SATB2: variants seen among roughly 807,000 people sequenced by gnomAD.
SATB2 encodes the protein DNA-binding protein SATB2.
In SATB2, 1 loss-of-function variant was observed where a neutral mutation model predicts 73.4. The ratio of observed to expected loss-of-function variants is 0.01; its 90% CI spans 0.00 to 0.06. SATB2 has a LOEUF of 0.06. Ranked by LOEUF, SATB2 falls within the 10% of genes least tolerant of loss-of-function variation. The pLI is 1.00. For synonymous variants in SATB2, 397 were observed against 367.0 expected, an observed-to-expected ratio of 1.08 and a Z score of -0.93; for missense variants, 459 against 945.8, an observed-to-expected ratio of 0.49 and a Z score of 6.75.
chr2:199,433,075 G>A (rs1029904231), intron 3 of SATB2, among the ~76,000 whole-genome samples: 1 of 152,148 alleles, frequency 6.6e-6, no homozygotes, highest in Non-Finnish European at 1.5e-5. Context: ...CTAACTTAGA[G>A]AAAATAACAG....
In SATB2 at chr2:199,455,882, G is replaced by A. The variant is rs1401683566; in HGVS notation, c.156C>T (p.Ala52=). ...GARGRPNGAV[A]KAVGGLMIPV... is the part of the protein sequence containing the mutation. ...CCGGGCTGTTACCTCCCACGGCCTT[G>A]GCCACGGCGCCGTTGGGCCTCCCGC... Residue 52 remains alanine (A), a synonymous_variant, in exon 2 of 11, where the codon GCC becomes GCT. Transcript: ENST00000417098. The surrounding 1 kb of genome is among the most constrained non-coding windows in gnomAD (Gnocchi z 4.1). 2 of 1,537,312 alleles carry A rather than the reference G, an allele frequency of 1.3e-6. No individual in the cohort carries two copies. The highest frequency in any genetic ancestry group is 1.4e-5 in the African/African-American group (1 of 73,046).
chr2:199,469,370 C>G (rs1692659043), upstream of SATB2, among the ~76,000 whole-genome samples: 1 of 152,150 alleles, frequency 6.6e-6, no homozygotes, highest in Non-Finnish European at 1.5e-5. Flanking sequence ...GGCGTCCTCC[C>G]TCCAAAGAAG....
upstream of SATB2, among the ~76,000 whole-genome samples, chr2:199,462,754 C>G (rs1375689876): frequency 1.3e-5 from 2 of 152,142 alleles, no homozygotes; most frequent in Non-Finnish European, 2.9e-5. This position sits in a 1 kb window ranked among gnomAD's most constrained non-coding sequence, Gnocchi z 5.9. Context: ...TGAGCCCCTG[C>G]GGCCCGAGCA....
intron 3 of SATB2, among the ~76,000 whole-genome samples, chr2:199,382,686 G>A (rs930608404): frequency 1.3e-5 from 2 of 152,178 alleles, no homozygotes; most frequent in Admixed American, 6.5e-5. Context: ...CAGGGCACAC[G>A]TAACATTGAT....
intron 4 of SATB2, among the ~76,000 whole-genome samples, chr2:199,381,007 C>T (rs942212965): frequency 6.6e-6 from 1 of 151,998 alleles, no homozygotes; most frequent in African/African-American, 2.4e-5. Context: ...TATAAATTGC[C>T]CAAAAGGGGA....
intron 10 of SATB2, among the ~76,000 whole-genome samples, chr2:199,292,181 T>C (rs1223919653): frequency 6.6e-6 from 1 of 152,118 alleles, no homozygotes; most frequent in Non-Finnish European, 1.5e-5. Context: ...TACAAATCAA[T>C]ATGGTCCTTT....
In SATB2 at chr2:199,363,807, G is replaced by A. The variant is rs1010631680; in HGVS notation, c.700+4798C>T. Reference sequence around the variant, plus strand: ...GTAAATATGTATACAATATTCAAAGGATTTTATCCTGCCATTACTTTCAAC... The same window carrying A: ...GTAAATATGTATACAATATTCAAAGAATTTTATCCTGCCATTACTTTCAAC... On this transcript the variant is annotated intron_variant, in intron 6 of 10. Transcript: ENST00000417098. Among the ~76,000 whole-genome samples the A allele has an allele frequency of 2.6e-5, 4 of 152,086 alleles. No individual in the cohort carries two copies. In the East Asian group the frequency reaches 5.8e-4, roughly 22 times the overall value.
chr2:199,323,324 C>G (rs1687939497), intron 9 of SATB2, among the ~76,000 whole-genome samples: 1 of 152,002 alleles, frequency 6.6e-6, no homozygotes, highest in South Asian at 2.1e-4. Flanking sequence ...ATAAAAGAAA[C>G]ACCTGACATC....
At chr2:199,442,212 A>G (rs1187071937) in intron 2 of SATB2, among the ~76,000 whole-genome samples, 1 of 152,202 alleles carries the variant, frequency 6.6e-6, no homozygotes, top group Non-Finnish European at 1.5e-5. Context: ...AAACTTGTCC[A>G]TATCACTCTG....
chr2:199,365,965 G>A (rs1689270624), intron 6 of SATB2, among the ~76,000 whole-genome samples: 1 of 152,056 alleles, frequency 6.6e-6, no homozygotes, highest in Admixed American at 6.6e-5. Flanking sequence ...CTTATGTTTA[G>A]GAAATCATGT....
At chr2:199,386,897 T>C (rs903568401) in intron 3 of SATB2, among the ~76,000 whole-genome samples, 1 of 152,152 alleles carries the variant, frequency 6.6e-6, no homozygotes, top group Non-Finnish European at 1.5e-5. Context: ...AAACTGTCTA[T>C]ATTATTGCTG....
intron 3 of SATB2, among the ~76,000 whole-genome samples, chr2:199,427,537 T>A (rs1691373053): frequency 6.6e-6 from 1 of 152,292 alleles, no homozygotes; most frequent in African/African-American, 2.4e-5. Context: ...CTTTATCTTT[T>A]AGAGATATTT....
intron 5 of SATB2, among the ~76,000 whole-genome samples, chr2:199,379,284 C>T (rs565879171): frequency 2.0e-5 from 3 of 152,248 alleles, no homozygotes; most frequent in South Asian, 2.1e-4. Flanking sequence ...GTTTATGGTG[C>T]GTTCACTAAA....
chr2:199,447,572 CA>C (rs1381540842), intron 2 of SATB2, among the ~76,000 whole-genome samples: 9 of 148,776 alleles, frequency 6.0e-5, no homozygotes, highest in East Asian at 4.0e-4. Flanking sequence ...TTTACAGAGA[CA>C]AAAAAAAAGG....
intron 10 of SATB2, among the ~76,000 whole-genome samples, chr2:199,302,033 C>T (rs1212859043): frequency 6.6e-6 from 1 of 152,136 alleles, no homozygotes; most frequent in East Asian, 1.9e-4. Context: ...TTTAATACAT[C>T]TCCAATTATT....
intron 6 of SATB2, among the ~76,000 whole-genome samples, chr2:199,362,961 G>T (rs1689181247): frequency 6.6e-6 from 1 of 152,132 alleles, no homozygotes; most frequent in African/African-American, 2.4e-5. Context: ...ACAAATATGA[G>T]TAGATTGCAA....
chr2:199,364,490 C>A (rs1689228672), intron 6 of SATB2, among the ~76,000 whole-genome samples: 1 of 152,050 alleles, frequency 6.6e-6, no homozygotes, highest in Admixed American at 6.6e-5. Flanking sequence ...TAATATCTGG[C>A]AAAAGAAGTT....
chr2:199,419,226 C>T (rs547487421), intron 3 of SATB2, among the ~76,000 whole-genome samples: 2 of 152,286 alleles, frequency 1.3e-5, no homozygotes, highest in East Asian at 3.9e-4. Flanking sequence ...CCTTCCACCA[C>T]CACAGAGGCC....
chr2:199,437,790 TAC>T (rs918932246), intron 2 of SATB2, among the ~76,000 whole-genome samples: 2 of 152,244 alleles, frequency 1.3e-5, no homozygotes, highest in Non-Finnish European at 2.9e-5. Flanking sequence ...AATACCATTT[TAC>T]AGAGGAAAAA....
Sources: gnomAD v4.1 joint callset for allele counts (sites outside exome capture counted in the v4.1 genomes callset) on GRCh38, gnomAD v4.1.1 for gene constraint, Gnocchi (gnomAD v3.1) non-coding constraint, MANE v1.5 for transcripts, NCBI Gene and HGNC (gene_info 2026-07-23, HGNC 2026-07-21) for gene names.